Variants in CDH12 observed in about 807,000 individuals in gnomAD.
CDH12 encodes cadherin-12.
CDH12 carries 41 observed loss-of-function variants against 74.1 expected under a neutral mutation model. The observed-to-expected ratio is 0.55, with a 90% CI of 0.43 to 0.72. The LOEUF is 0.72. Among genes scored for constraint, CDH12 ranks in the 30% least tolerant of loss-of-function variants. CDH12 has a pLI of 0.00. For synonymous variants in CDH12, 399 were observed against 355.0 expected, an observed-to-expected ratio of 1.12 and a Z score of -1.39; for missense variants, 945 against 977.2, an observed-to-expected ratio of 0.97 and a Z score of 0.44.
chr5:22,388,117 A>G (rs996271889), intron 3 of CDH12, among the ~76,000 whole-genome samples: 17 of 152,110 alleles, frequency 1.1e-4, no homozygotes, highest in African/African-American at 4.1e-4. Context: ...AAACAAAAAC[A>G]TCGTGAAACT....
intron 2 of CDH12, among the ~76,000 whole-genome samples, chr5:22,406,462 G>T (rs529484423): frequency 6.6e-6 from 1 of 151,996 alleles, no homozygotes; most frequent in East Asian, 1.9e-4. Flanking sequence ...TATTTGAGAG[G>T]GTTATAATGT....
intron 3 of CDH12, among the ~76,000 whole-genome samples, chr5:22,237,104 T>C (rs1454656509): frequency 2.0e-5 from 3 of 152,162 alleles, no homozygotes; most frequent in Non-Finnish European, 4.4e-5. Flanking sequence ...AACACTTTTA[T>C]AGGACTGGCA....
intron 4 of CDH12, among the ~76,000 whole-genome samples, chr5:22,107,173 C>T (rs4395607): frequency 0.47 from 70,907 of 150,288 alleles, 16,943 homozygotes; most frequent in Middle Eastern, 0.52. Context: ...GCTCTTGTTG[C>T]CCAGGCTAGA....
At chr5:21,835,292 C>T (rs1434243755) in intron 8 of CDH12, among the ~76,000 whole-genome samples, 2 of 151,728 alleles carry the variant, frequency 1.3e-5, no homozygotes, top group East Asian at 1.9e-4. Context: ...TACACACACA[C>T]ATACACTTAG....
At chr5:22,331,833 C>G (rs1043888957) in intron 3 of CDH12, among the ~76,000 whole-genome samples, 1 of 151,848 alleles carries the variant, frequency 6.6e-6, no homozygotes, top group African/African-American at 2.4e-5. Context: ...AAAAAAAAAT[C>G]AAACAGAAAT....
At chr5:22,089,130 G>C (rs909045089) in intron 4 of CDH12, among the ~76,000 whole-genome samples, 3 of 152,112 alleles carry the variant, frequency 2.0e-5, no homozygotes, top group African/African-American at 7.2e-5. Flanking sequence ...ATAGAAAACA[G>C]AAAAATTCTG....
chr5:22,489,782 G>C (rs1055898785), intron 2 of CDH12, among the ~76,000 whole-genome samples: 6 of 148,232 alleles, frequency 4.0e-5, no homozygotes, highest in Middle Eastern at 3.5e-3. Context: ...CAACCTCCCT[G>C]GATCAAGCAA....
At chr5:22,507,927 G>A (rs976352200) in intron 1 of CDH12, among the ~76,000 whole-genome samples, 1 of 152,080 alleles carries the variant, frequency 6.6e-6, no homozygotes, top group Non-Finnish European at 1.5e-5. Flanking sequence ...TTGCCTTGTG[G>A]CCACTTTCAG....
intron 2 of CDH12, among the ~76,000 whole-genome samples, chr5:22,428,870 TTGA>T (rs1378365846): frequency 6.6e-6 from 1 of 152,178 alleles, no homozygotes; most frequent in Admixed American, 6.5e-5. Flanking sequence ...TAGGGATATG[TTGA>T]TGATTCCCGA....
At chr5:22,849,107 G>A (rs1464929574) in intron 1 of CDH12, among the ~76,000 whole-genome samples, 2 of 152,084 alleles carry the variant, frequency 1.3e-5, no homozygotes, top group East Asian at 3.8e-4. Context: ...AGCTGTGGCT[G>A]TAGTTATCCT....
At chr5:22,456,507 A>C (rs1349296974) in intron 2 of CDH12, among the ~76,000 whole-genome samples, 3 of 152,272 alleles carry the variant, frequency 2.0e-5, no homozygotes, top group African/African-American at 7.2e-5. Flanking sequence ...CCGCTAAAGG[A>C]AATTATGATG....
chr5:21,784,348 G>A (rs1018068777), intron 10 of CDH12, among the ~76,000 whole-genome samples: 6 of 151,902 alleles, frequency 3.9e-5, no homozygotes, highest in South Asian at 2.1e-4. Context: ...TTTGATAGAC[G>A]TTATTCTCAA....
chr5:22,532,009 C>T (rs985954561), intron 1 of CDH12, among the ~76,000 whole-genome samples: 1 of 152,052 alleles, frequency 6.6e-6, no homozygotes, highest in African/African-American at 2.4e-5. Context: ...AGGAATCTCT[C>T]AAATCCTGTA....
At chr5:22,346,172 G>T (rs1740105795) in intron 3 of CDH12, among the ~76,000 whole-genome samples, 2 of 151,292 alleles carry the variant, frequency 1.3e-5, no homozygotes, top group Non-Finnish European at 2.9e-5. Context: ...ACCAAGATTG[G>T]CTTCAGTGGT....
At chr5:22,256,996 A>G (rs1753341782) in intron 3 of CDH12, among the ~76,000 whole-genome samples, 1 of 152,186 alleles carries the variant, frequency 6.6e-6, no homozygotes, top group Non-Finnish European at 1.5e-5. Flanking sequence ...CAGCCATAAA[A>G]AAAGAATGAG....
chr5:21,778,208 G>A (rs557011791), intron 11 of CDH12, among the ~76,000 whole-genome samples: 4 of 152,004 alleles, frequency 2.6e-5, no homozygotes, highest in Non-Finnish European at 4.4e-5. Context: ...GTGTTGGTCC[G>A]AGCCTGGTCA....
chr5:22,332,298 C>T (rs1739383338), intron 3 of CDH12, among the ~76,000 whole-genome samples: 1 of 152,150 alleles, frequency 6.6e-6, no homozygotes, highest in African/African-American at 2.4e-5. Flanking sequence ...AGCTCCAGTA[C>T]ACCTAGGCAG....
At chr5:22,498,459 C>G (rs1044708069) in intron 2 of CDH12, among the ~76,000 whole-genome samples, 1 of 151,812 alleles carries the variant, frequency 6.6e-6, no homozygotes, top group African/African-American at 2.4e-5. Context: ...AATTAATCCA[C>G]GAGTCTATAA....
In CDH12 at chr5:22,012,448, C is replaced by T. The variant is rs181191033; in HGVS notation, c.232-37063G>A. ...AGAAAATGAAAAAGTGCATCATTGTCGCTTCTACTTGCAAATGATATTTCT... is the reference window on the plus strand; with the variant it reads ...AGAAAATGAAAAAGTGCATCATTGTTGCTTCTACTTGCAAATGATATTTCT... On this transcript the variant is annotated intron_variant, in intron 5 of 14. Coordinates refer to ENST00000382254, the MANE Select transcript of CDH12 (RefSeq NM_004061.5). Among the ~76,000 whole-genome samples the T allele has an allele frequency of 2.4e-4, 36 of 152,120 alleles. 1 individual carries two copies. The highest frequency in any genetic ancestry group is 1.4e-3 in the Admixed American group (22 of 15,268).
Sources: gnomAD v4.1 joint callset for allele counts (sites outside exome capture counted in the v4.1 genomes callset) on GRCh38, gnomAD v4.1.1 for gene constraint, MANE v1.5 for transcripts, NCBI Gene and HGNC (gene_info 2026-07-23, HGNC 2026-07-21) for gene names.